TRAPPC9: variants seen among roughly 807,000 people sequenced by gnomAD.
The protein encoded by TRAPPC9 is trafficking protein particle complex subunit 9.
A neutral mutation model predicts 124.0 loss-of-function variants in TRAPPC9; 83 were observed. The observed-to-expected ratio is 0.67, with a 90% CI of 0.56 to 0.80. The LOEUF is 0.80. Ranked by LOEUF, TRAPPC9 falls within the 30% of genes least tolerant of loss-of-function variation. The probability of loss-of-function intolerance (pLI) is 0.00; values close to 1 mark genes in which losing one functional copy is unlikely to be tolerated. For missense variants in TRAPPC9, 1,302 were observed against 1,508.3 expected, an observed-to-expected ratio of 0.86 and a Z score of 2.27; for synonymous variants, 638 against 617.5, an observed-to-expected ratio of 1.03 and a Z score of -0.49.
intron 21 of TRAPPC9, among the ~76,000 whole-genome samples, chr8:139,816,502 T>A (rs4736099): frequency 7.3e-5 from 11 of 151,404 alleles, no homozygotes; most frequent in Non-Finnish European, 2.9e-5. Context: ...CCCATCTCAG[T>A]ATGGAGATGG....
chr8:140,370,103 T>C (rs559474547), intron 8 of TRAPPC9, among the ~76,000 whole-genome samples: 8 of 151,550 alleles, frequency 5.3e-5, no homozygotes, highest in African/African-American at 1.7e-4. Context: ...GTATGTTTCC[T>C]ATCTAAAAGT....
intron 21 of TRAPPC9, among the ~76,000 whole-genome samples, chr8:139,798,127 C>T (rs1823230390): frequency 6.6e-6 from 1 of 152,220 alleles, no homozygotes; most frequent in Non-Finnish European, 1.5e-5. Context: ...GTCTTCCAAT[C>T]CATGAACACA....
At chr8:140,033,672 T>G (rs955183132) in intron 17 of TRAPPC9, among the ~76,000 whole-genome samples, 18 of 94,216 alleles carry the variant, frequency 1.9e-4, no homozygotes, top group Admixed American at 4.3e-4. Flanking sequence ...TTTTTTTTTT[T>G]TTTTTTTTTT....
At chr8:140,321,326 T>C (rs1350585148) in intron 9 of TRAPPC9, among the ~76,000 whole-genome samples, 1 of 151,966 alleles carries the variant, frequency 6.6e-6, no homozygotes, top group Admixed American at 6.6e-5. Context: ...CAGCATGAGC[T>C]CCCCCTCGCT....
intron 17 of TRAPPC9, among the ~76,000 whole-genome samples, chr8:140,217,614 C>T (rs1358876142): frequency 2.0e-5 from 3 of 152,178 alleles, no homozygotes; most frequent in African/African-American, 7.2e-5. Context: ...CACATGTAAA[C>T]ACCTGCTCCC....
chr8:140,019,706 C>T (rs191548860), intron 18 of TRAPPC9, among the ~76,000 whole-genome samples: 10 of 151,898 alleles, frequency 6.6e-5, no homozygotes, highest in Admixed American at 4.6e-4. Context: ...GCATGCACCA[C>T]GTGCCCAGCT....
chr8:140,202,004 C>T (rs2062802259), intron 17 of TRAPPC9, among the ~76,000 whole-genome samples: 2 of 152,124 alleles, frequency 1.3e-5, no homozygotes, highest in Non-Finnish European at 2.9e-5. Flanking sequence ...GTGGGAAAGA[C>T]TTTGGAGTCA....
chr8:140,428,989 T>C (rs1449691415), intron 4 of TRAPPC9, among the ~76,000 whole-genome samples: 2 of 152,172 alleles, frequency 1.3e-5, no homozygotes, highest in Non-Finnish European at 2.9e-5. Flanking sequence ...CATGGAACTG[T>C]AGATATGCTG....
intron 7 of TRAPPC9, among the ~76,000 whole-genome samples, chr8:140,375,905 A>G (rs1196651726): frequency 6.6e-6 from 1 of 152,210 alleles, no homozygotes; most frequent in Non-Finnish European, 1.5e-5. Context: ...GATGGGAAAC[A>G]GCAGGCCCCA....
At chr8:139,978,639 G>A (rs1836654710) in intron 19 of TRAPPC9, among the ~76,000 whole-genome samples, 1 of 152,118 alleles carries the variant, frequency 6.6e-6, no homozygotes, top group Admixed American at 6.5e-5. Flanking sequence ...TCCGAAGATG[G>A]TGCCTTCTGT....
At chr8:140,207,988 C>T (rs2062966996) in intron 17 of TRAPPC9, among the ~76,000 whole-genome samples, 1 of 152,030 alleles carries the variant, frequency 6.6e-6, no homozygotes, top group South Asian at 2.1e-4. Context: ...CCCATCTCTA[C>T]TAAAAATACA....
At chr8:140,185,649 C>A (rs954950891) in intron 17 of TRAPPC9, among the ~76,000 whole-genome samples, 1 of 152,146 alleles carries the variant, frequency 6.6e-6, no homozygotes, top group African/African-American at 2.4e-5. Context: ...CAGGGCTCAG[C>A]CGCATTCCCA....
At chr8:140,405,345 G>A in intron 6 of TRAPPC9, 2 of 444,878 alleles carry the variant, frequency 4.5e-6, no homozygotes, top group South Asian at 5.4e-5. Context: ...GAGTACGCAG[G>A]CCATGAGAGC....
At chr8:140,152,706 G>A (rs966837661) in intron 17 of TRAPPC9, among the ~76,000 whole-genome samples, 9 of 152,052 alleles carry the variant, frequency 5.9e-5, no homozygotes, top group Non-Finnish European at 8.8e-5. Context: ...TCTGATCCAT[G>A]AGCATGGTAT....
At position 140,380,775 on chromosome 8, in the gene TRAPPC9, AAAGAAAAC is replaced by A. The variant is rs60507835; in HGVS notation, c.1135-9603_1135-9596del. Among the ~76,000 whole-genome samples the A allele has an allele frequency of 5.7e-3, 871 of 152,210 alleles. 8 individuals carry two copies. The highest frequency in any genetic ancestry group is 0.02 in the African/African-American group (826 of 41,524). Reference sequence around the variant, plus strand: ...AAAAACTAACCCTATAAAGTTCCTAAAAGAAAACAAGAAATCTTAATGACCTCGGGTTA... The same window carrying A: ...AAAAACTAACCCTATAAAGTTCCTAAAAGAAATCTTAATGACCTCGGGTTA... On this transcript the variant is annotated intron_variant, in intron 7 of 22. Coordinates refer to ENST00000438773, the MANE Select transcript of TRAPPC9 (RefSeq NM_001160372.4).
intron 21 of TRAPPC9, among the ~76,000 whole-genome samples, chr8:139,835,113 T>C (rs961372090): frequency 6.6e-6 from 1 of 152,188 alleles, no homozygotes; most frequent in Non-Finnish European, 1.5e-5. Flanking sequence ...TGTTAATGAA[T>C]GCGACCTTGG....
At chr8:140,184,044 C>T (rs1029507151) in intron 17 of TRAPPC9, among the ~76,000 whole-genome samples, 2 of 150,998 alleles carry the variant, frequency 1.3e-5, no homozygotes, top group Non-Finnish European at 2.9e-5. Flanking sequence ...GCCTTCTCTA[C>T]CCTGTGACCG....
At chr8:140,414,219 G>A (rs185792896) in intron 5 of TRAPPC9, among the ~76,000 whole-genome samples, 5 of 152,234 alleles carry the variant, frequency 3.3e-5, no homozygotes, top group Middle Eastern at 3.4e-3. Context: ...ATATTCTACA[G>A]TAGAAATTTT....
chr8:140,179,570 G>A (rs1376689551), intron 17 of TRAPPC9, among the ~76,000 whole-genome samples: 3 of 152,042 alleles, frequency 2.0e-5, no homozygotes, highest in Admixed American at 2.0e-4. Flanking sequence ...AAGCAATCTA[G>A]AAATGTGAAC....
Sources: allele counts gnomAD v4.1 joint callset (sites outside exome capture counted in the v4.1 genomes callset), GRCh38; gene constraint gnomAD v4.1.1; transcripts MANE v1.5; gene names NCBI Gene and HGNC (gene_info 2026-07-23, HGNC 2026-07-21).